The following C3orf52 variants were observed in gnomAD, a reference collection of about 807,000 sequenced individuals.
The protein encoded by C3orf52 is TPA-induced transmembrane protein.
Under a neutral mutation model 24.8 loss-of-function variants are expected in C3orf52, and 22 were observed. The ratio of observed to expected loss-of-function variants is 0.89; its 90% CI spans 0.63 to 1.27. The LOEUF (loss-of-function observed/expected upper bound fraction) is 1.27, where lower values mean the gene tolerates loss of function less well. C3orf52 is among the 50% of genes most tolerant of loss of function. C3orf52 has a pLI of 0.00. For missense variants in C3orf52, 265 were observed against 260.7 expected, an observed-to-expected ratio of 1.02 and a Z score of -0.11; for synonymous variants, 93 against 100.2, an observed-to-expected ratio of 0.93 and a Z score of 0.43.
intron 3 of C3orf52, among the ~76,000 whole-genome samples, chr3:112,104,478 G>C (rs1301691641): frequency 6.6e-6 from 1 of 152,028 alleles, no homozygotes; most frequent in Non-Finnish European, 1.5e-5. Context: ...ATTCCATCCA[G>C]GTCACATCAG....
At chr3:112,091,803 G>A (rs2073879514) in intron 1 of C3orf52, among the ~76,000 whole-genome samples, 1 of 152,130 alleles carries the variant, frequency 6.6e-6, no homozygotes, top group South Asian at 2.1e-4. Flanking sequence ...AGGAGATCGA[G>A]ACCATCCTGG....
At chr3:112,090,288 T>A (rs1273971348) in intron 1 of C3orf52, among the ~76,000 whole-genome samples, 3 of 110,714 alleles carry the variant, frequency 2.7e-5, no homozygotes, top group African/African-American at 1.4e-4. Flanking sequence ...TTTCATGTGC[T>A]TTTTTTTTTT....
chr3:112,109,736 G>A, intron 4 of C3orf52, 123 bp downstream of exon 4: 1 of 607,096 alleles, frequency 1.6e-6, no homozygotes, highest in Non-Finnish European at 3.0e-6. Context: ...ACCTGTAATA[G>A]AATCACAGAA....
downstream of C3orf52, chr3:112,130,367 G>A: frequency 7.2e-6 from 8 of 1,106,648 alleles, no homozygotes; most frequent in Non-Finnish European, 1.1e-5. Flanking sequence ...CTCTCACTGG[G>A]ATGTGAAGTC....
chr3:112,123,489 A>G lies in C3orf52; in HGVS notation c.*46+3927A>G, dbSNP rs746731795. 4 of 1,614,162 alleles carry G rather than the reference A, an allele frequency of 2.5e-6. No homozygotes were observed. In the Admixed American group the frequency reaches 5.0e-5, roughly 20 times the overall value. Reference sequence around the variant, plus strand: ...GGAAAACTGAGTCTCAGAAGGGGCCATAAGTGGACGTGGCTGTTGCAGAAA... The same window carrying G: ...GGAAAACTGAGTCTCAGAAGGGGCCGTAAGTGGACGTGGCTGTTGCAGAAA... On this transcript the variant is annotated intron_variant, in intron 4 of 4. Transcript: ENST00000480282.
chr3:112,095,846 C>T (rs1370170680), intron 2 of C3orf52, among the ~76,000 whole-genome samples: 5 of 152,202 alleles, frequency 3.3e-5, no homozygotes, highest in African/African-American at 9.6e-5. Context: ...CTGTGACAGT[C>T]CCAGCCTCAC....
intron 4 of C3orf52, 50 bp from the exon 5 acceptor site, chr3:112,112,914 A>T: frequency 6.5e-6 from 9 of 1,376,430 alleles, no homozygotes; most frequent in Non-Finnish European, 9.2e-6. Flanking sequence ...TCATTTCTTG[A>T]GTTGCAGTAT....
intron 3 of C3orf52, among the ~76,000 whole-genome samples, chr3:112,109,023 C>T (rs2074053437): frequency 6.6e-6 from 1 of 152,160 alleles, no homozygotes; most frequent in South Asian, 2.1e-4. Context: ...ATATTTCATG[C>T]ATAAAATAAA....
At chr3:112,110,991 A>G (rs1321831193) in intron 4 of C3orf52, among the ~76,000 whole-genome samples, 1 of 152,202 alleles carries the variant, frequency 6.6e-6, no homozygotes, top group Non-Finnish European at 1.5e-5. Flanking sequence ...TAGGCAGATC[A>G]TGAGGTCAGG....
intron 5 of C3orf52, among the ~76,000 whole-genome samples, chr3:112,115,155 T>C (rs1278776884): frequency 6.6e-6 from 1 of 152,198 alleles, no homozygotes; most frequent in African/African-American, 2.4e-5. Context: ...TGTCCCACTT[T>C]CCAGAGCATG....
chr3:112,098,213 T>C (rs2073941628), intron 2 of C3orf52, among the ~76,000 whole-genome samples: 1 of 152,238 alleles, frequency 6.6e-6, no homozygotes, highest in Non-Finnish European at 1.5e-5. Flanking sequence ...CTTCCCAAGA[T>C]TACTAGCAAT....
intron 1 of C3orf52, among the ~76,000 whole-genome samples, chr3:112,090,549 C>T (rs138470568): frequency 3.9e-5 from 6 of 152,212 alleles, no homozygotes; most frequent in Admixed American, 3.3e-4. Flanking sequence ...TAGCGCTCAG[C>T]GGTCTTCCTC....
At chr3:112,093,182 T>G (rs2073894836) in intron 1 of C3orf52, among the ~76,000 whole-genome samples, 178 bp from the exon 2 acceptor site, 1 of 152,190 alleles carries the variant, frequency 6.6e-6, no homozygotes. Flanking sequence ...CTTGCTAACT[T>G]CTTGATGAGG....
downstream of C3orf52, chr3:112,130,445 C>CAA (rs753895103): frequency 3.1e-6 from 5 of 1,613,800 alleles, no homozygotes; most frequent in Non-Finnish European, 4.2e-6. Flanking sequence ...TTGCTCTCAC[C>CAA]TGGATGTTCT....
At chr3:112,119,696 C>T, downstream of C3orf52, 2 of 574,918 alleles carry the variant, frequency 3.5e-6, no homozygotes, top group South Asian at 4.4e-5. Flanking sequence ...ATCACTCTTT[C>T]ATTGCTTTAA....
chr3:112,090,287 CTTTTTTTTT>C (rs386397627), intron 1 of C3orf52, among the ~76,000 whole-genome samples: 3 of 109,048 alleles, frequency 2.8e-5, no homozygotes. Context: ...GTTTCATGTG[CTTTTTTTTT>C]TTTTTTTTTT....
downstream of C3orf52, among the ~76,000 whole-genome samples, chr3:112,135,627 A>G (rs1576179370): frequency 6.6e-6 from 1 of 151,332 alleles, no homozygotes; most frequent in Non-Finnish European, 1.5e-5. Context: ...CTAAAAAAAC[A>G]CAAATGTGAG....
Position 112,096,823 on chromosome 3 carries a change from T to G in C3orf52, c.268+3334T>G, listed in dbSNP as rs954321968. ...TTATTGCTGCTCATTCTCTACAGAC[T>G]GTGCAGCCTTCATTGCCTGTACATG... On this transcript the variant is annotated intron_variant, in intron 2 of 5. Coordinates refer to ENST00000264848, the MANE Select transcript of C3orf52 (RefSeq NM_024616.3). 3.9e-5 allele frequency among the ~76,000 whole-genome samples: 6 copies of G among 152,364 alleles called. No homozygotes were observed. The East Asian group carries it at 5.8e-4, about 15-fold the overall frequency.
At chr3:112,108,039 G>A (rs1240360069) in intron 3 of C3orf52, among the ~76,000 whole-genome samples, 1 of 152,172 alleles carries the variant, frequency 6.6e-6, no homozygotes, top group Non-Finnish European at 1.5e-5. Context: ...CATGTTCCTA[G>A]TACTACTAGT....
Sources: allele counts gnomAD v4.1 joint callset (sites outside exome capture counted in the v4.1 genomes callset), GRCh38; gene constraint gnomAD v4.1.1; transcripts MANE v1.5; gene names NCBI Gene and HGNC (gene_info 2026-07-23, HGNC 2026-07-21).